Variants in RAP1GDS1 observed in about 807,000 individuals in gnomAD.
RAP1GDS1 encodes the protein RAP1, GTP-GDP dissociation stimulator 1.
Under a neutral mutation model 71.1 loss-of-function variants are expected in RAP1GDS1, and 35 were observed. That is an observed-to-expected ratio of 0.49 (90% CI 0.38 to 0.65). The LOEUF (loss-of-function observed/expected upper bound fraction) is 0.65, where lower values mean the gene tolerates loss of function less well. Ranked by LOEUF, RAP1GDS1 falls within the 30% of genes least tolerant of loss-of-function variation. RAP1GDS1 has a pLI of 0.00. For missense variants in RAP1GDS1, 663 were observed against 706.1 expected, an observed-to-expected ratio of 0.94 and a Z score of 0.69; for synonymous variants, 229 against 243.1, an observed-to-expected ratio of 0.94 and a Z score of 0.54.
intron 5 of RAP1GDS1, among the ~76,000 whole-genome samples, chr4:98,389,653 T>C (rs1330209037): frequency 1.3e-5 from 2 of 152,194 alleles, no homozygotes; most frequent in Non-Finnish European, 2.9e-5. Context: ...TCTCCCAATC[T>C]GCCATAATTT....
intron 11 of RAP1GDS1, 145 bp from the exon 12 acceptor site, chr4:98,421,110 C>A: frequency 1.2e-6 from 1 of 854,568 alleles, no homozygotes; most frequent in Non-Finnish European, 1.7e-6. Flanking sequence ...TAGCCCATCA[C>A]ATAAGGAATA....
At chr4:98,402,445 G>A (rs1257447371) in intron 6 of RAP1GDS1, among the ~76,000 whole-genome samples, 1 of 152,088 alleles carries the variant, frequency 6.6e-6, no homozygotes, top group African/African-American at 2.4e-5. Context: ...GAGGGTTTCA[G>A]TATCTTATTG....
chr4:98,368,684 T>A (rs1156597285), intron 4 of RAP1GDS1, among the ~76,000 whole-genome samples: 1 of 152,216 alleles, frequency 6.6e-6, no homozygotes, highest in Non-Finnish European at 1.5e-5. Flanking sequence ...ATGATTTGTA[T>A]GATTATGTTA....
chr4:98,290,771 C>T (rs1210576356), intron 1 of RAP1GDS1, among the ~76,000 whole-genome samples: 6 of 152,006 alleles, frequency 3.9e-5, no homozygotes, highest in Non-Finnish European at 8.8e-5. Flanking sequence ...TGTATCAAGG[C>T]CTAAAATGTG....
intron 1 of RAP1GDS1, among the ~76,000 whole-genome samples, chr4:98,272,559 TTGACCAGTGCCAGCTGCA>T (rs1723628891): frequency 6.6e-6 from 1 of 152,210 alleles, no homozygotes; most frequent in African/African-American, 2.4e-5. Flanking sequence ...GCCCTTTCTG[TTGACCAGTGCCAGCTGCA>T]GACAGTACAG....
At chr4:98,276,935 C>T (rs1560758628) in intron 1 of RAP1GDS1, among the ~76,000 whole-genome samples, 1 of 152,084 alleles carries the variant, frequency 6.6e-6, no homozygotes, top group Non-Finnish European at 1.5e-5. Flanking sequence ...TTATGGTTCT[C>T]TCTCTACTTG....
At chr4:98,367,848 T>C (rs1739747850) in intron 4 of RAP1GDS1, among the ~76,000 whole-genome samples, 1 of 152,176 alleles carries the variant, frequency 6.6e-6, no homozygotes, top group African/African-American at 2.4e-5. Flanking sequence ...AACTTGCTTT[T>C]GATTTTACAG....
intron 13 of RAP1GDS1, among the ~76,000 whole-genome samples, chr4:98,435,467 T>G (rs1325843248): frequency 6.6e-6 from 1 of 152,050 alleles, no homozygotes; most frequent in African/African-American, 2.4e-5. Flanking sequence ...GAAAATATAT[T>G]TACTATTTAT....
At chr4:98,325,790 G>C (rs1236337849) in intron 2 of RAP1GDS1, among the ~76,000 whole-genome samples, 6 of 109,482 alleles carry the variant, frequency 5.5e-5, no homozygotes, top group Non-Finnish European at 1.1e-4. Flanking sequence ...GGGGAGGGGG[G>C]AGGGATAGCA....
At position 98,303,787 on chromosome 4, in the gene RAP1GDS1, C is replaced by T. The variant is rs1578367577; in HGVS notation, c.112+10272C>T. On this transcript the variant is annotated intron_variant, in intron 2 of 14. Transcript: ENST00000408927. ...ATGTGTGCCATGGTAGTTTGCTGCA[C>T]CTATCAACCCTTCACCTAGGTATTA... Among the ~76,000 whole-genome samples the T allele has an allele frequency of 3.3e-5, 5 of 152,100 alleles. No homozygotes were observed. In the South Asian group the frequency reaches 1.0e-3, roughly 32 times the overall value.
chr4:98,379,303 T>A, intron 5 of RAP1GDS1, 140 bp downstream of exon 5: 1 of 895,648 alleles, frequency 1.1e-6, no homozygotes. Context: ...TAGCCAACAT[T>A]AAATTTCAAT....
At chr4:98,410,132 C>T (rs1168487353) in intron 7 of RAP1GDS1, among the ~76,000 whole-genome samples, 4 of 152,014 alleles carry the variant, frequency 2.6e-5, no homozygotes, top group Admixed American at 2.6e-4. Context: ...AAAGTTAAAA[C>T]TCTTTTTTTA....
intron 12 of RAP1GDS1, among the ~76,000 whole-genome samples, chr4:98,430,235 A>G (rs999270243): frequency 6.6e-6 from 1 of 152,204 alleles, no homozygotes; most frequent in African/African-American, 2.4e-5. Flanking sequence ...TTGAAATTAT[A>G]TAGGATTGTA....
chr4:98,400,427 G>A (rs1284457955), intron 6 of RAP1GDS1, among the ~76,000 whole-genome samples: 2 of 151,610 alleles, frequency 1.3e-5, no homozygotes, highest in Non-Finnish European at 2.9e-5. Flanking sequence ...CAACATGGAT[G>A]GAACTGGAAG....
chr4:98,400,362 A>T (rs777934776), intron 6 of RAP1GDS1, among the ~76,000 whole-genome samples: 9 of 152,120 alleles, frequency 5.9e-5, no homozygotes, highest in Admixed American at 2.0e-4. Context: ...ACACACACAC[A>T]CACAATGGAA....
intron 1 of RAP1GDS1, among the ~76,000 whole-genome samples, chr4:98,270,251 A>G (rs781237717): frequency 6.6e-6 from 1 of 152,176 alleles, no homozygotes; most frequent in South Asian, 2.1e-4. Flanking sequence ...AAGTTTCAAC[A>G]TGAGTTTTGG....
At chr4:98,383,042 A>T (rs577733951) in intron 5 of RAP1GDS1, among the ~76,000 whole-genome samples, 1 of 151,804 alleles carries the variant, frequency 6.6e-6, no homozygotes, top group African/African-American at 2.4e-5. Flanking sequence ...CAAACCAGTG[A>T]TCTAAAGCAA....
At chr4:98,305,480 G>T (rs1729183629) in intron 2 of RAP1GDS1, among the ~76,000 whole-genome samples, 1 of 152,122 alleles carries the variant, frequency 6.6e-6, no homozygotes, top group African/African-American at 2.4e-5. Flanking sequence ...TAAAAGCAGA[G>T]ATTAAAAGGA....
At chr4:98,356,767 T>A (rs1451350750) in intron 4 of RAP1GDS1, among the ~76,000 whole-genome samples, 1 of 152,026 alleles carries the variant, frequency 6.6e-6, no homozygotes, top group African/African-American at 2.4e-5. Flanking sequence ...GTTGTATTCT[T>A]CCTTGCTGAT....
Sources: allele counts gnomAD v4.1 joint callset (sites outside exome capture counted in the v4.1 genomes callset), GRCh38; gene constraint gnomAD v4.1.1; transcripts MANE v1.5; gene names NCBI Gene and HGNC (gene_info 2026-07-23, HGNC 2026-07-21).